MTHFD2: variants seen among roughly 807,000 people sequenced by gnomAD.
MTHFD2 encodes bifunctional methylenetetrahydrofolate dehydrogenase/cyclohydrolase, mitochondrial.
Under a neutral mutation model 36.8 loss-of-function variants are expected in MTHFD2, and 26 were observed. The observed-to-expected ratio is 0.71, with a 90% CI of 0.52 to 0.98. The LOEUF (loss-of-function observed/expected upper bound fraction) is 0.98. MTHFD2 is among the 50% of genes least tolerant of loss of function. MTHFD2 has a pLI of 0.00. For missense variants in MTHFD2, 373 were observed against 434.0 expected, an observed-to-expected ratio of 0.86 and a Z score of 1.25; for synonymous variants, 164 against 155.2, an observed-to-expected ratio of 1.06 and a Z score of -0.42.
chr2:74,208,524 C>A, intron 3 of MTHFD2, 45 bp from the exon 4 acceptor site: 1 of 1,598,462 alleles, frequency 6.3e-7, no homozygotes, highest in Non-Finnish European at 8.5e-7. Context: ...GCAGTGCTGA[C>A]TATGCGGTGG....
At chr2:74,212,226 C>CCTCT (rs1694322745) in intron 7 of MTHFD2, among the ~76,000 whole-genome samples, 1 of 132,978 alleles carries the variant, frequency 7.5e-6, no homozygotes, top group African/African-American at 2.8e-5. Flanking sequence ...CCCCTCCCCT[C>CCTCT]CTCTCCCCCC....
intron 3 of MTHFD2, among the ~76,000 whole-genome samples, chr2:74,208,262 A>G (rs1004956540): frequency 6.6e-6 from 1 of 152,126 alleles, no homozygotes; most frequent in African/African-American, 2.4e-5. Flanking sequence ...CTTAAAGGCA[A>G]AATAAACTCA....
chr2:74,198,909 C>T (rs1693970371), intron 1 of MTHFD2, among the ~76,000 whole-genome samples, 167 bp downstream of exon 1: 1 of 152,160 alleles, frequency 6.6e-6, no homozygotes, highest in Non-Finnish European at 1.5e-5. Context: ...CCGAGCGCCG[C>T]CGCAGCTCTC....
intron 6 of MTHFD2, 63 bp from the exon 7 acceptor site, chr2:74,211,678 A>T: frequency 2.0e-6 from 3 of 1,482,454 alleles, no homozygotes; most frequent in Non-Finnish European, 2.7e-6. Flanking sequence ...TTGAAGTTAG[A>T]CAAGAATCTG....
At position 74,217,388 on chromosome 2, in the gene MTHFD2, T is replaced by C. The variant is rs1572994218; in HGVS notation, c.*3146T>C. 1 of 152,228 alleles carries C rather than the reference T, an allele frequency of 6.6e-6. No homozygotes were observed. Among genetic ancestry groups the C allele is most frequent in the South Asian group, 2.1e-4 (1 of 4,834 alleles). The allele number at this position is 152,228 out of a possible 1,614,324, so 9.4% of individuals were successfully genotyped here. On this transcript the variant is annotated 3_prime_UTR_variant, in exon 8 of 8. Coordinates refer to ENST00000394053, the MANE Select transcript of MTHFD2 (RefSeq NM_006636.4). ...TTTCATGAGGAATAGGTTTGCTTCA[T>C]TGAAACTGGTTTTTATCTTCCCAAA...
At chr2:74,213,996 G>T in intron 7 of MTHFD2, 83 bp from the exon 8 acceptor site, 3 of 1,427,960 alleles carry the variant, frequency 2.1e-6, no homozygotes, top group Admixed American at 2.3e-5. Flanking sequence ...CTTTTTCCTT[G>T]CATGCTTGTT....
chr2:74,212,813 C>T (rs1694336787), intron 7 of MTHFD2, among the ~76,000 whole-genome samples: 1 of 152,002 alleles, frequency 6.6e-6, no homozygotes, highest in African/African-American at 2.4e-5. Flanking sequence ...CATTTTCACA[C>T]TGAGAGATCA....
chr2:74,208,794 A>G, intron 4 of MTHFD2, 73 bp downstream of exon 4: 1 of 1,490,888 alleles, frequency 6.7e-7, no homozygotes, highest in Non-Finnish European at 9.2e-7. Context: ...AAAAACTCAT[A>G]CAGTCCCAAA....
At chr2:74,209,333 C>T (rs915096726) in intron 4 of MTHFD2, among the ~76,000 whole-genome samples, 1 of 151,748 alleles carries the variant, frequency 6.6e-6, no homozygotes, top group African/African-American at 2.4e-5. Context: ...AGCTCCACCT[C>T]CTGAGTTCAT....
chr2:74,198,767 A>C, intron 1 of MTHFD2, 25 bp downstream of exon 1: 3 of 1,578,660 alleles, frequency 1.9e-6, no homozygotes, highest in Non-Finnish European at 2.6e-6. Context: ...GAGCTCGGTC[A>C]GCGCGGAAAG....
At position 74,207,370 on chromosome 2, in the gene MTHFD2, C is replaced by T. The variant is rs199565698; in HGVS notation, c.287-334C>T. 5.8e-4 allele frequency among the ~76,000 whole-genome samples: 88 copies of T among 152,062 alleles called. No individual in the cohort carries two copies. In the East Asian group the frequency reaches 0.012, roughly 21 times the overall value. On this transcript the variant is annotated intron_variant, in intron 2 of 7. Coordinates refer to ENST00000394053, the MANE Select transcript of MTHFD2 (RefSeq NM_006636.4). ...GTCTCCATCTCCTGACCTCGTGATC[C>T]GCTGGCCTTGGCCTCCCAAAGTGCT...
At chr2:74,211,111 T>G in intron 5 of MTHFD2, 88 bp from the exon 6 acceptor site, 1 of 844,512 alleles carries the variant, frequency 1.2e-6, no homozygotes, top group South Asian at 1.5e-5. Context: ...TCAGAGATGT[T>G]GAGTTTCTAC....
chr2:74,209,406 C>T (rs934688804), intron 4 of MTHFD2, among the ~76,000 whole-genome samples: 4 of 151,818 alleles, frequency 2.6e-5, no homozygotes, highest in African/African-American at 9.7e-5. Flanking sequence ...CCATGCCTGG[C>T]TAACTTTTTT....
Position 74,215,405 on chromosome 2 carries a change from G to C in MTHFD2, c.*1163G>C, listed in dbSNP as rs1193245942. On this transcript the variant is annotated 3_prime_UTR_variant, in exon 8 of 8. Coordinates refer to ENST00000394053, the MANE Select transcript of MTHFD2 (RefSeq NM_006636.4). ...ACACTTACTTCTATAGCCTTAAATA[G>C]ATAATTTTTTTTCTTCTATTTTTTT... 6.6e-6 allele frequency: 1 copy of C among 150,998 alleles called. No homozygotes were observed. The highest frequency in any genetic ancestry group is 2.4e-5 in the African/African-American group (1 of 41,030). The allele number at this position is 150,998 out of a possible 1,614,324, so 9.4% of individuals were successfully genotyped here. A position where few individuals can be genotyped will look rare whatever the true frequency, so the allele number is the denominator to read the frequency against.
chr2:74,207,160 G>A (rs185716053), intron 2 of MTHFD2, among the ~76,000 whole-genome samples: 1 of 151,898 alleles, frequency 6.6e-6, no homozygotes, highest in East Asian at 2.0e-4. Flanking sequence ...ACGGAGTCTC[G>A]CTCTGTTGCG....
At chr2:74,209,522 A>G (rs1694258389) in intron 4 of MTHFD2, among the ~76,000 whole-genome samples, 2 of 151,906 alleles carry the variant, frequency 1.3e-5, no homozygotes, top group African/African-American at 2.4e-5. Context: ...AAGTGCTGGG[A>G]TTACAGGTGT....
chr2:74,204,899 C>T (rs1694143071), intron 1 of MTHFD2, among the ~76,000 whole-genome samples: 1 of 152,188 alleles, frequency 6.6e-6, no homozygotes, highest in South Asian at 2.1e-4. Flanking sequence ...AATCTCAGCT[C>T]ACCGCAACCT....
In MTHFD2 at chr2:74,205,786, G is replaced by A; in HGVS notation, c.183G>A (p.Val61=). ...TGCGGCAGGAGGTAGAAGAGTGGGTGGCCTCAGGCAACAAACGGCCACACC... is the reference window on the plus strand; with the variant it reads ...TGCGGCAGGAGGTAGAAGAGTGGGTAGCCTCAGGCAACAAACGGCCACACC... ...QEVRQEVEEW[V]ASGNKRPHLS... is the part of the protein sequence containing the mutation. Residue 61 remains valine (V), a synonymous_variant, in exon 2 of 8, where the codon GTG becomes GTA. Coordinates refer to ENST00000394053, the MANE Select transcript of MTHFD2 (RefSeq NM_006636.4). 3.7e-6 allele frequency: 6 copies of A among 1,613,800 alleles called. No homozygotes were observed. Among genetic ancestry groups the A allele is most frequent in the Non-Finnish European group, 4.2e-6 (5 of 1,180,000 alleles).
chr2:74,210,073 C>G (rs377284777), intron 5 of MTHFD2, 24 bp downstream of exon 5: 3 of 1,587,584 alleles, frequency 1.9e-6, no homozygotes, highest in Non-Finnish European at 2.6e-6. Context: ...TTTCAGGGAA[C>G]ACTGTCCTTT....
Sources: allele counts gnomAD v4.1 joint callset (sites outside exome capture counted in the v4.1 genomes callset), GRCh38; gene constraint gnomAD v4.1.1; transcripts MANE v1.5; gene names NCBI Gene and HGNC (gene_info 2026-07-23, HGNC 2026-07-21).